The following DNAH5 variants were observed in gnomAD, a reference collection of about 807,000 sequenced individuals.
The protein encoded by DNAH5 is dynein axonemal heavy chain 5, also known as axonemal beta dynein heavy chain 5.
DNAH5 carries 372 observed loss-of-function variants against 518.2 expected under a neutral mutation model. The ratio of observed to expected loss-of-function variants is 0.72; its 90% confidence interval spans 0.66 to 0.78. The LOEUF (loss-of-function observed/expected upper bound fraction) is 0.78. DNAH5 is among the 30% of genes least tolerant of loss of function. DNAH5 has a pLI of 0.00. For synonymous variants in DNAH5, 2,039 were observed against 2,025.9 expected, an observed-to-expected ratio of 1.01 and a Z score of -0.17; for missense variants, 5,523 against 5,687.0, an observed-to-expected ratio of 0.97 and a Z score of 0.93.
rs7715811 is a variant in DNAH5 at position 13,769,865 on chromosome 5, C to T, written c.9606-250G>A. 0.31 allele frequency among the ~76,000 whole-genome samples: 47,448 copies of T among 152,086 alleles called. 7,936 individuals are homozygous for T. The highest frequency in any genetic ancestry group is 0.44 in the South Asian group (2,123 of 4,822). ...AGAACACACGACATGAAATTAGGAACGACAGTAAGGCTAGAATCTGTATCA... is the reference window on the plus strand; with the variant it reads ...AGAACACACGACATGAAATTAGGAATGACAGTAAGGCTAGAATCTGTATCA... On this transcript the variant is annotated intron_variant, in intron 56 of 78. Transcript: ENST00000265104.
At chr5:13,728,821 T>A (rs1746113787) in intron 69 of DNAH5, among the ~76,000 whole-genome samples, 1 of 152,216 alleles carries the variant, frequency 6.6e-6, no homozygotes, top group Admixed American at 6.5e-5. Context: ...TTCAATAACC[T>A]GTTTCTTGGC....
At chr5:13,892,090 A>G (rs577823740) in intron 16 of DNAH5, among the ~76,000 whole-genome samples, 41 of 128,434 alleles carry the variant, frequency 3.2e-4, no homozygotes, top group Non-Finnish European at 6.4e-4. Context: ...CCTAAAGAAT[A>G]AAAGCCTAAA....
At chr5:13,914,753 T>C (rs1356543094) in intron 9 of DNAH5, 111 bp from the exon 10 acceptor site, 3 of 1,096,578 alleles carry the variant, frequency 2.7e-6, no homozygotes, top group South Asian at 2.8e-5. Flanking sequence ...TCTTCTAACT[T>C]GAGCTTGGGT....
chr5:13,860,946 A>G (rs912146706), intron 29 of DNAH5, among the ~76,000 whole-genome samples: 1 of 152,276 alleles, frequency 6.6e-6, no homozygotes, highest in South Asian at 2.1e-4. Flanking sequence ...TATTCCATGC[A>G]TCTTTCTGAA....
Position 13,753,868 on chromosome 5 carries a change from T to C in DNAH5, c.10556-319A>G, listed in dbSNP as rs563101596. 1.1e-4 allele frequency among the ~76,000 whole-genome samples: 16 copies of C among 152,210 alleles called. 1 individual carries two copies. The South Asian group carries it at 2.9e-3, about 28-fold the overall frequency. ...GACAGAGCCTTCATTAAATGTGACCTTCATCAATATACCCATGCACTCACA... is the reference window on the plus strand; with the variant it reads ...GACAGAGCCTTCATTAAATGTGACCCTCATCAATATACCCATGCACTCACA... On this transcript the variant is annotated intron_variant, in intron 62 of 78. Transcript: ENST00000265104.
chr5:13,721,174 C>T lies in DNAH5; in HGVS notation c.12105G>A (p.Thr4035=), dbSNP rs199735129. 159 of 1,614,146 alleles carry T rather than the reference C, an allele frequency of 9.9e-5. No homozygotes were observed. In the East Asian group the frequency reaches 1.1e-3, roughly 11 times the overall value. Residue 4035 remains threonine, a synonymous_variant, in exon 71 of 79, where the codon ACG becomes ACA. Transcript: ENST00000265104. ...GCGTCCGTGGATCAGATTCCTCCCA[C>T]GTCTTCTCCAAGTCTAAAATAACAC... ...AEGVILDLEK[T]WEESDPRTPL...
At chr5:13,997,572 A>C (rs925732847) in intron 1 of DNAH5, among the ~76,000 whole-genome samples, 11 of 152,178 alleles carry the variant, frequency 7.2e-5, no homozygotes, top group Non-Finnish European at 1.5e-4. Context: ...AAAAAGATAC[A>C]GGCTTTCTCT....
chr5:13,930,870 G>C (rs1343539658), intron 2 of DNAH5, among the ~76,000 whole-genome samples: 1 of 152,222 alleles, frequency 6.6e-6, no homozygotes, highest in Non-Finnish European at 1.5e-5. Flanking sequence ...GAGAGATGCA[G>C]ACAATGCCAT....
At chr5:13,751,030 T>G in intron 65 of DNAH5, 48 bp downstream of exon 65, 3 of 1,571,728 alleles carry the variant, frequency 1.9e-6, no homozygotes, top group Non-Finnish European at 2.6e-6. Context: ...GTCAATGAAA[T>G]ATGACATTAA....
chr5:13,890,993 A>AAGGT lies in DNAH5; in HGVS notation c.2559_2560insACCT (p.Phe854ThrfsTer20). 1 of 1,614,098 alleles carries AAGGT rather than the reference A, an allele frequency of 6.2e-7. No homozygotes were observed. Among genetic ancestry groups the AAGGT allele is most frequent in the Non-Finnish European group, 8.5e-7 (1 of 1,179,988 alleles). The stretch of plus-strand genomic sequence containing the variant: ...TTAATGACCTTTGTCATTTGGAGAA[A>AAGGT]CTCTTCACAGGTTAGTGGCTCCTCC... On this transcript the variant is annotated frameshift_variant, in exon 17 of 79. Coordinates refer to ENST00000265104, the MANE Select transcript of DNAH5 (RefSeq NM_001369.3). LOFTEE classifies it high-confidence loss of function.
intron 39 of DNAH5, among the ~76,000 whole-genome samples, chr5:13,823,964 A>AT (rs957386198): frequency 2.0e-5 from 3 of 152,290 alleles, no homozygotes; most frequent in East Asian, 3.9e-4. Context: ...TAACATGTGT[A>AT]TTTTTTAAAA....
chr5:13,696,397 T>G (rs552635035), intron 78 of DNAH5, among the ~76,000 whole-genome samples: 32 of 152,364 alleles, frequency 2.1e-4, no homozygotes, highest in African/African-American at 7.2e-4. Context: ...TTAGTACTAT[T>G]TGAATGACTT....
At chr5:13,986,974 T>C (rs1783094586) in intron 1 of DNAH5, among the ~76,000 whole-genome samples, 1 of 152,142 alleles carries the variant, frequency 6.6e-6, no homozygotes, top group Non-Finnish European at 1.5e-5. Context: ...GCGTAACTAA[T>C]AGTGCAGAGG....
At chr5:13,919,155 C>A (rs1363132650) in intron 7 of DNAH5, 21 bp downstream of exon 7, 7 of 1,613,758 alleles carry the variant, frequency 4.3e-6, no homozygotes, top group Non-Finnish European at 5.9e-6. Flanking sequence ...TTTCACAAGG[C>A]AAAATGAAAT....
At chr5:13,873,818 A>G (rs1770490512) in intron 22 of DNAH5, among the ~76,000 whole-genome samples, 1 of 152,174 alleles carries the variant, frequency 6.6e-6, no homozygotes, top group African/African-American at 2.4e-5. Flanking sequence ...TTGTCTCTTC[A>G]TTTCTAATTC....
chr5:13,987,175 C>T (rs1381360263), intron 1 of DNAH5, among the ~76,000 whole-genome samples: 2 of 152,076 alleles, frequency 1.3e-5, no homozygotes, highest in African/African-American at 4.8e-5. Flanking sequence ...TGCTTCTCCA[C>T]ACTTTTCCCT....
At chr5:13,984,072 T>C (rs1447763355) in intron 1 of DNAH5, among the ~76,000 whole-genome samples, 1 of 152,130 alleles carries the variant, frequency 6.6e-6, no homozygotes, top group African/African-American at 2.4e-5. Context: ...TAAGGGGCTC[T>C]TAAATGTGGA....
rs757542755 is a variant in DNAH5, at chr5:13,923,435, G to C, written c.283C>G (p.Leu95Val). Reference sequence around the variant, plus strand: ...AGATTTACCCCTCCTAGAGAGCCAAGTTGTCCTACAAAAGCAAAATAATTT... The same window carrying C: ...AGATTTACCCCTCCTAGAGAGCCAACTTGTCCTACAAAAGCAAAATAATTT... ...QDVEEAETGQ[L>V]GSLGGVNLVS... is the part of the protein sequence containing the mutation. The change falls in exon 4 of 79, where the codon CTT (leucine) becomes GTT (valine). Residue 95 changes from leucine (L) to valine (V), a missense_variant. Leu to Val is a conservative substitution (Grantham distance 32). Coordinates refer to ENST00000265104, the MANE Select transcript of DNAH5 (RefSeq NM_001369.3). The C allele has an allele frequency of 9.9e-6, 16 of 1,613,924 alleles. No homozygotes were observed. Among genetic ancestry groups the C allele is most frequent in the Non-Finnish European group, 1.3e-5 (15 of 1,179,984 alleles).
intron 1 of DNAH5, among the ~76,000 whole-genome samples, chr5:13,993,455 AC>A: frequency 6.6e-6 from 1 of 152,322 alleles, no homozygotes; most frequent in South Asian, 2.1e-4. Context: ...TTACCAGCTA[AC>A]AAAAAAACTC....
Sources: gnomAD v4.1 joint callset for allele counts (sites outside exome capture counted in the v4.1 genomes callset) on GRCh38, gnomAD v4.1.1 for gene constraint, MANE v1.5 for transcripts, NCBI Gene and HGNC (gene_info 2026-07-23, HGNC 2026-07-21) for gene names.